Variants in KCNA1 observed in about 807,000 individuals in gnomAD.
The protein encoded by KCNA1 is potassium channel, voltage gated shaker related subfamily A, member 1.
Under a neutral mutation model 28.8 loss-of-function variants are expected in KCNA1, and 19 were observed. The observed-to-expected ratio is 0.66, with a 90% CI of 0.46 to 0.97. KCNA1 has a LOEUF of 0.97. Among genes scored for constraint, KCNA1 ranks in the 50% least tolerant of loss-of-function variants. KCNA1 has a pLI of 0.00. For synonymous variants in KCNA1, 311 were observed against 268.8 expected, an observed-to-expected ratio of 1.16 and a Z score of -1.53; for missense variants, 419 against 659.7, an observed-to-expected ratio of 0.64 and a Z score of 4.00.
chr12:4,915,757 G>C lies in KCNA1; in HGVS notation c.*2891G>C, dbSNP rs951194413. ...CACAGAACTTGAAACACCGCACTCT[G>C]TCAACAGCAATAATCCACTCAGTAC... On this transcript the variant is annotated 3_prime_UTR_variant, in exon 2 of 2. Coordinates refer to ENST00000382545, the MANE Select transcript of KCNA1 (RefSeq NM_000217.3). 1 of 167,110 alleles carries C rather than the reference G, an allele frequency of 6.0e-6. No individual in the cohort carries two copies. Among genetic ancestry groups the C allele is most frequent in the Non-Finnish European group, 1.5e-5 (1 of 68,128 alleles). The allele number at this position is 167,110 out of a possible 1,614,324, so 10.4% of individuals were successfully genotyped here. A position where few individuals can be genotyped will look rare whatever the true frequency, so the allele number is the denominator to read the frequency against.
rs1399387282 is a variant in KCNA1, at chr12:4,914,726, A to C, written c.*1860A>C. ...CCAGGAGGGTGCTGTCTCTCTGGCCATCTACTAGCATTGGTCCCTTTGACA... is the reference window on the plus strand; with the variant it reads ...CCAGGAGGGTGCTGTCTCTCTGGCCCTCTACTAGCATTGGTCCCTTTGACA... On this transcript the variant is annotated 3_prime_UTR_variant, in exon 2 of 2. Coordinates refer to ENST00000382545, the MANE Select transcript of KCNA1 (RefSeq NM_000217.3). The C allele has an allele frequency of 6.0e-6, 1 of 167,182 alleles. No homozygotes were observed. Among genetic ancestry groups the C allele is most frequent in the East Asian group, 1.9e-4 (1 of 5,194 alleles). The allele number at this position is 167,182 out of a possible 1,614,324, so 10.4% of individuals were successfully genotyped here.
rs1230186381 is a variant in KCNA1 at position 4,917,515 on chromosome 12, G to C, written c.*4649G>C. ...TTAGAAGCCTTGGGATTAAATGCCA[G>C]CCTCTTTGCTCAGGCAAAATGACCC... On this transcript the variant is annotated 3_prime_UTR_variant, in exon 2 of 2. Coordinates refer to ENST00000382545, the MANE Select transcript of KCNA1 (RefSeq NM_000217.3). The C allele has an allele frequency of 1.8e-5, 3 of 167,082 alleles. No homozygotes were observed. Among genetic ancestry groups the C allele is most frequent in the African/African-American group, 7.2e-5 (3 of 41,462 alleles). 10.3% of individuals were successfully genotyped at this position (167,082 alleles called of 1,614,324 possible).
Position 4,912,989 on chromosome 12 carries a change from C to T in KCNA1, c.*123C>T. 1.3e-6 allele frequency: 1 copy of T among 768,852 alleles called. No individual in the cohort carries two copies. The highest frequency in any genetic ancestry group is 2.3e-6 in the Non-Finnish European group (1 of 429,280). 47.6% of individuals were successfully genotyped at this position (768,852 alleles called of 1,614,324 possible). A position where few individuals can be genotyped will look rare whatever the true frequency, so the allele number is the denominator to read the frequency against. ...TACTTTACTAAGTAGACTTGGAATG[C>T]TCTATTTAACTGTCAATGCGTTGTT... On this transcript the variant is annotated 3_prime_UTR_variant, in exon 2 of 2. Transcript: ENST00000382545.
In KCNA1 at chr12:4,910,077, G is replaced by C. The variant is rs1254778687; in HGVS notation, c.-935G>C. ...TCGCCCGCCCGCCTCCTTCGGGATC[G>C]AATCAAGGGCTCCCATAGTGTTAGG... is the stretch of plus-strand genomic sequence containing the variant. On this transcript the variant is annotated 5_prime_UTR_variant, in exon 1 of 2. Transcript: ENST00000382545. The surrounding 1 kb of genome is among the most constrained non-coding windows in gnomAD (Gnocchi z 4.9). The C allele has an allele frequency of 6.5e-6, 1 of 152,672 alleles. No homozygotes were observed. Among genetic ancestry groups the C allele is most frequent in the East Asian group, 1.9e-4 (1 of 5,166 alleles). The allele number at this position is 152,672 out of a possible 1,614,324, so 9.5% of individuals were successfully genotyped here.
Position 4,915,142 on chromosome 12 carries a change from C to G in KCNA1, c.*2276C>G, listed in dbSNP as rs1462427731. 3 of 167,238 alleles carry G rather than the reference C, an allele frequency of 1.8e-5. No homozygotes were observed. Among genetic ancestry groups the G allele is most frequent in the Non-Finnish European group, 2.9e-5 (2 of 68,254 alleles). The allele number at this position is 167,238 out of a possible 1,614,324, so 10.4% of individuals were successfully genotyped here. A position where few individuals can be genotyped will look rare whatever the true frequency, so the allele number is the denominator to read the frequency against. ...TTGAACATCTAACTTCTGCTGCCCC[C>G]CCGTTACCCAGCCCAGAGAATGGTG... On this transcript the variant is annotated 3_prime_UTR_variant, in exon 2 of 2. Transcript: ENST00000382545.
chr12:4,911,904 G>T lies in KCNA1; in HGVS notation c.526G>T (p.Val176Phe), dbSNP rs1947354376. 6.2e-7 allele frequency: 1 copy of T among 1,613,956 alleles called. No individual in the cohort carries two copies. Among genetic ancestry groups the T allele is most frequent in the Non-Finnish European group, 8.5e-7 (1 of 1,179,982 alleles). ...ARVIAIVSVM[V>F]ILISIVIFCL... ...GGTCATCGCCATCGTCTCCGTCATG[G>T]TCATCCTCATCTCCATCGTCATCTT... Residue 176 changes from valine to phenylalanine, a missense_variant, in exon 2 of 2, where the codon GTC (valine) becomes TTC (phenylalanine). Coordinates refer to ENST00000382545, the MANE Select transcript of KCNA1 (RefSeq NM_000217.3). This position sits in a 1 kb window ranked among gnomAD's most constrained non-coding sequence, Gnocchi z 6.6.
rs934377229 is a variant in KCNA1 at position 4,917,784 on chromosome 12, A to T, written c.*4918A>T. 2 of 167,076 alleles carry T rather than the reference A, an allele frequency of 1.2e-5. No homozygotes were observed. Among genetic ancestry groups the T allele is most frequent in the Admixed American group, 6.5e-5 (1 of 15,290 alleles). The allele number at this position is 167,076 out of a possible 1,614,324, so 10.3% of individuals were successfully genotyped here. A position where few individuals can be genotyped will look rare whatever the true frequency, so the allele number is the denominator to read the frequency against. On this transcript the variant is annotated 3_prime_UTR_variant, in exon 2 of 2. Transcript: ENST00000382545. Reference sequence around the variant, plus strand: ...CAAGAAATCTCTTGTAAAATATTCCAGGTCAAAGTTGTCTCCTCTCCAAAC... The same window carrying T: ...CAAGAAATCTCTTGTAAAATATTCCTGGTCAAAGTTGTCTCCTCTCCAAAC...
rs1947348004 is a variant in KCNA1 at position 4,911,183 on chromosome 12, C to T, written c.-196C>T. The T allele has an allele frequency of 9.9e-6, 6 of 604,776 alleles. No individual in the cohort carries two copies. The highest frequency in any genetic ancestry group is 1.8e-5 in the Non-Finnish European group (6 of 340,842). The allele number at this position is 604,776 out of a possible 1,614,324, so 37.5% of individuals were successfully genotyped here. ...GGGGGATTCCAAACTGAGTGAAAGG[C>T]AGGGTGGAGGGGAAGGCAGCGAGAG... On this transcript the variant is annotated 5_prime_UTR_variant, in exon 2 of 2. Transcript: ENST00000382545. This position sits in a 1 kb window ranked among gnomAD's most constrained non-coding sequence, Gnocchi z 6.6.
chr12:4,911,859 G>C lies in KCNA1; in HGVS notation c.481G>C (p.Glu161Gln), dbSNP rs754013861. 1 of 1,613,808 alleles carries C rather than the reference G, an allele frequency of 6.2e-7. No individual in the cohort carries two copies. Among genetic ancestry groups the C allele is most frequent in the Non-Finnish European group, 8.5e-7 (1 of 1,179,964 alleles). The change falls in exon 2 of 2, where the codon GAG (glutamate) becomes CAG (glutamine). Residue 161 changes from glutamate (E) to glutamine (Q), a missense_variant. Physicochemically the swap from Glu to Gln is conservative, Grantham distance 29 (BLOSUM62 2). Around this residue, in one of 4 missense-constraint regions of KCNA1, gnomAD observed 217 missense variants for 329.6 expected, o/e 0.66. Transcript: ENST00000382545. This position sits in a 1 kb window ranked among gnomAD's most constrained non-coding sequence, Gnocchi z 6.6. ...RQVWLLFEYP[E>Q]SSGPARVIAI... ...GGTGTGGCTGCTCTTCGAGTACCCC[G>C]AGAGCTCGGGGCCCGCCAGGGTCAT...
rs1294828155 is a variant in KCNA1 at position 4,910,372 on chromosome 12, C to T, written c.-640C>T. Reference sequence around the variant, plus strand: ...GCGTCTCGGATGCTGCTGCGGCGGCCGCCGCGGCTCCCGCCAGGGCACTGC... The same window carrying T: ...GCGTCTCGGATGCTGCTGCGGCGGCTGCCGCGGCTCCCGCCAGGGCACTGC... On this transcript the variant is annotated 5_prime_UTR_variant, in exon 1 of 2. Coordinates refer to ENST00000382545, the MANE Select transcript of KCNA1 (RefSeq NM_000217.3). This position sits in a 1 kb window ranked among gnomAD's most constrained non-coding sequence, Gnocchi z 4.9. The T allele has an allele frequency of 3.3e-5, 5 of 152,228 alleles. No individual in the cohort carries two copies. The highest frequency in any genetic ancestry group is 4.8e-5 in the African/African-American group (2 of 41,448). 9.4% of individuals were successfully genotyped at this position (152,228 alleles called of 1,614,324 possible). A position where few individuals can be genotyped will look rare whatever the true frequency, so the allele number is the denominator to read the frequency against.
In KCNA1 at chr12:4,915,462, A is replaced by T. The variant is rs188377239; in HGVS notation, c.*2596A>T. On this transcript the variant is annotated 3_prime_UTR_variant, in exon 2 of 2. Coordinates refer to ENST00000382545, the MANE Select transcript of KCNA1 (RefSeq NM_000217.3). ...GGCTAACTCGATTAAAAGAAAGAACATGGATATCTTATTTTCCTATGTGAC... is the reference window on the plus strand; with the variant it reads ...GGCTAACTCGATTAAAAGAAAGAACTTGGATATCTTATTTTCCTATGTGAC... The T allele has an allele frequency of 1.3e-3, 219 of 167,220 alleles. No homozygotes were observed. Among genetic ancestry groups the T allele is most frequent in the South Asian group, 4.8e-3 (23 of 4,822 alleles). The allele number at this position is 167,220 out of a possible 1,614,324, so 10.4% of individuals were successfully genotyped here. A position where few individuals can be genotyped will look rare whatever the true frequency, so the allele number is the denominator to read the frequency against.
In KCNA1 at chr12:4,914,566, A is replaced by T. The variant is rs531736702; in HGVS notation, c.*1700A>T. 6.0e-6 allele frequency: 1 copy of T among 167,230 alleles called. No individual in the cohort carries two copies. Among genetic ancestry groups the T allele is most frequent in the South Asian group, 2.1e-4 (1 of 4,824 alleles). The allele number at this position is 167,230 out of a possible 1,614,324, so 10.4% of individuals were successfully genotyped here. A position where few individuals can be genotyped will look rare whatever the true frequency, so the allele number is the denominator to read the frequency against. ...GAACTGTAGAAAGTGCCTCCTTAACACAGCTGAGAAGTTAGGTAGCAAAAG... is the reference window on the plus strand; with the variant it reads ...GAACTGTAGAAAGTGCCTCCTTAACTCAGCTGAGAAGTTAGGTAGCAAAAG... On this transcript the variant is annotated 3_prime_UTR_variant, in exon 2 of 2. Coordinates refer to ENST00000382545, the MANE Select transcript of KCNA1 (RefSeq NM_000217.3).
chr12:4,914,431 A>G lies in KCNA1; in HGVS notation c.*1565A>G, dbSNP rs1284262691. 6.0e-6 allele frequency: 1 copy of G among 166,796 alleles called. No homozygotes were observed. The highest frequency in any genetic ancestry group is 1.5e-5 in the Non-Finnish European group (1 of 68,074). 10.3% of individuals were successfully genotyped at this position (166,796 alleles called of 1,614,324 possible). On this transcript the variant is annotated 3_prime_UTR_variant, in exon 2 of 2. Transcript: ENST00000382545. ...GCAGAGCTGATTTTTTTTTCTTTGC[A>G]GTCATTCTTTGAAGTCTGTAGAGAC...
rs1233797548 is a variant in KCNA1, at chr12:4,915,580, C to T, written c.*2714C>T. The T allele has an allele frequency of 6.0e-6, 1 of 167,118 alleles. No individual in the cohort carries two copies. Among genetic ancestry groups the T allele is most frequent in the African/African-American group, 2.4e-5 (1 of 41,466 alleles). 10.4% of individuals were successfully genotyped at this position (167,118 alleles called of 1,614,324 possible). On this transcript the variant is annotated 3_prime_UTR_variant, in exon 2 of 2. Coordinates refer to ENST00000382545, the MANE Select transcript of KCNA1 (RefSeq NM_000217.3). ...TCCGACTACAGGGCATTAAACCCTCCCATGTGATGTCTCCTTCTCGTCTGA... is the reference window on the plus strand; with the variant it reads ...TCCGACTACAGGGCATTAAACCCTCTCATGTGATGTCTCCTTCTCGTCTGA...
rs1040734719 is a variant in KCNA1 at position 4,910,508 on chromosome 12, G to T, written c.-540+36G>T. On this transcript the variant is annotated intron_variant, in intron 1 of 1. Transcript: ENST00000382545. The surrounding 1 kb of genome is among the most constrained non-coding windows in gnomAD (Gnocchi z 4.9). ...CCCCAGCTCGGGGATGCAGAAGCGG[G>T]GGTTGGGGGGACCGGGTGGGGGAGG... 1.3e-5 allele frequency: 2 copies of T among 152,458 alleles called. No homozygotes were observed. Among genetic ancestry groups the T allele is most frequent in the Non-Finnish European group, 2.9e-5 (2 of 68,264 alleles). 9.4% of individuals were successfully genotyped at this position (152,458 alleles called of 1,614,324 possible).
In KCNA1 at chr12:4,912,720, A is replaced by G; in HGVS notation, c.1342A>G (p.Thr448Ala). 1.2e-6 allele frequency: 2 copies of G among 1,613,924 alleles called. No homozygotes were observed. Among genetic ancestry groups the G allele is most frequent in the Non-Finnish European group, 1.7e-6 (2 of 1,180,018 alleles). ...TGACCTCAGTCGCCGCAGTTCCTCTACTATGAGCAAGTCTGAGTACATGGA... is the reference window on the plus strand; with the variant it reads ...TGACCTCAGTCGCCGCAGTTCCTCTGCTATGAGCAAGTCTGAGTACATGGA... ...DSDLSRRSSS[T>A]MSKSEYMEIE... is the part of the protein sequence containing the mutation. The change falls in exon 2 of 2, where the codon ACT (threonine) becomes GCT (alanine). Residue 448 changes from threonine (T) to alanine (A), a missense_variant. By Grantham distance (58) the Thr-to-Ala change is moderately conservative. Around this residue, in one of 4 missense-constraint regions of KCNA1, gnomAD observed 81 missense variants for 86.5 expected, o/e 0.94. Coordinates refer to ENST00000382545, the MANE Select transcript of KCNA1 (RefSeq NM_000217.3).
rs1467035523 is a variant in KCNA1 at position 4,916,629 on chromosome 12, A to G, written c.*3763A>G. 3 of 167,108 alleles carry G rather than the reference A, an allele frequency of 1.8e-5. No homozygotes were observed. The highest frequency in any genetic ancestry group is 4.4e-5 in the Non-Finnish European group (3 of 68,130). 10.4% of individuals were successfully genotyped at this position (167,108 alleles called of 1,614,324 possible). On this transcript the variant is annotated 3_prime_UTR_variant, in exon 2 of 2. Transcript: ENST00000382545. ...GTTCGTGGGTGAGCCTTGCAGAATC[A>G]GATAAACCAATAGCAAGTCCTTCTC...
Position 4,911,056 on chromosome 12 carries a change from T to G in KCNA1, c.-323T>G, listed in dbSNP as rs1947347176. 1 of 431,362 alleles carries G rather than the reference T, an allele frequency of 2.3e-6. No individual in the cohort carries two copies. Among genetic ancestry groups the G allele is most frequent in the African/African-American group, 2.0e-5 (1 of 49,602 alleles). The allele number at this position is 431,362 out of a possible 1,614,324, so 26.7% of individuals were successfully genotyped here. On this transcript the variant is annotated 5_prime_UTR_variant, in exon 2 of 2. Coordinates refer to ENST00000382545, the MANE Select transcript of KCNA1 (RefSeq NM_000217.3). This position sits in a 1 kb window ranked among gnomAD's most constrained non-coding sequence, Gnocchi z 6.6. ...TAGAACGGCACTGCGTTAAGGCACC[T>G]GGGATCAGGAAGAAATATCTAAACA... is the stretch of plus-strand genomic sequence containing the variant.
In KCNA1 at chr12:4,914,402, C is replaced by T. The variant is rs1156662202; in HGVS notation, c.*1536C>T. 3 of 166,814 alleles carry T rather than the reference C, an allele frequency of 1.8e-5. No homozygotes were observed. Among genetic ancestry groups the T allele is most frequent in the Non-Finnish European group, 4.4e-5 (3 of 68,102 alleles). 10.3% of individuals were successfully genotyped at this position (166,814 alleles called of 1,614,324 possible). On this transcript the variant is annotated 3_prime_UTR_variant, in exon 2 of 2. Transcript: ENST00000382545. ...AAAATGTTTCTCTATTATATGCATC[C>T]GAAGCAGAGCTGATTTTTTTTTCTT... is the stretch of plus-strand genomic sequence containing the variant.
Sources: gnomAD v4.1 joint callset for allele counts on GRCh38, gnomAD v4.1.1 for gene constraint, gnomAD v4.1.1 regional missense constraint, Gnocchi (gnomAD v3.1) non-coding constraint, MANE v1.5 for transcripts, NCBI Gene and HGNC (gene_info 2026-07-23, HGNC 2026-07-21) for gene names.